Variants in FSTL4 observed in about 807,000 individuals in gnomAD.
FSTL4 encodes follistatin like 4.
In FSTL4, 28 loss-of-function variants were observed where a neutral mutation model predicts 78.2. The ratio of observed to expected loss-of-function variants is 0.36; its 90% CI spans 0.27 to 0.49. FSTL4 has a LOEUF of 0.49. FSTL4 is among the 20% of genes least tolerant of loss of function. The pLI, the probability that FSTL4 is intolerant of heterozygous loss-of-function variation, is 0.98. For missense variants in FSTL4, 922 were observed against 1,084.9 expected (o/e 0.85, Z 2.11); for synonymous variants, 422 against 440.5 (o/e 0.96, Z 0.53).
chr5:133,566,999 C>G (rs901468598), intron 3 of FSTL4, among the ~76,000 whole-genome samples, 187 bp downstream of exon 3: 1 of 152,232 alleles, frequency 6.6e-6, no homozygotes, highest in Non-Finnish European at 1.5e-5. Flanking sequence ...ATAGTTTTCA[C>G]AAGCAAACCT....
chr5:133,446,330 C>T (rs1339537685), intron 3 of FSTL4, among the ~76,000 whole-genome samples: 1 of 152,220 alleles, frequency 6.6e-6, no homozygotes, highest in Non-Finnish European at 1.5e-5. Flanking sequence ...ATCCCAGCTA[C>T]TTGGGAGGCT....
intron 1 of FSTL4, among the ~76,000 whole-genome samples, chr5:133,606,245 C>T (rs570559297): frequency 2.6e-5 from 4 of 152,256 alleles, no homozygotes; most frequent in East Asian, 1.9e-4. Context: ...CTCAGCCTCC[C>T]GAGTAGCTGG....
chr5:133,298,149 A>G (rs1016236619), intron 6 of FSTL4, among the ~76,000 whole-genome samples: 6 of 152,258 alleles, frequency 3.9e-5, no homozygotes, highest in Non-Finnish European at 8.8e-5. Flanking sequence ...GGCCTCATCT[A>G]TAAAAAGGGG....
At chr5:133,406,099 A>G (rs538576318) in intron 3 of FSTL4, among the ~76,000 whole-genome samples, 42 of 152,318 alleles carry the variant, frequency 2.8e-4, no homozygotes, top group African/African-American at 9.9e-4. Context: ...GGAAGGAAAT[A>G]ACCAGGGTGC....
the FSTL4 span, among the ~76,000 whole-genome samples, chr5:133,731,492 GT>G: frequency 6.6e-6 from 1 of 152,132 alleles, no homozygotes; most frequent in African/African-American, 2.4e-5. Context: ...CTAACACATG[GT>G]CCAGTTCTCT....
intron 3 of FSTL4, among the ~76,000 whole-genome samples, chr5:133,537,862 C>CAT (rs751344437): frequency 3.3e-5 from 5 of 151,484 alleles, no homozygotes; most frequent in South Asian, 2.1e-4. Flanking sequence ...TATGTACACA[C>CAT]ATATATATAT....
the FSTL4 span, among the ~76,000 whole-genome samples, chr5:133,625,432 T>A: frequency 6.6e-6 from 1 of 151,590 alleles, no homozygotes; most frequent in African/African-American, 2.4e-5. Context: ...ATTCTTTGTT[T>A]GATGTCTATA....
At chr5:133,643,706 T>C in the FSTL4 span, among the ~76,000 whole-genome samples, 35,993 of 151,910 alleles carry the variant, frequency 0.24, 4,779 homozygotes, top group Admixed American at 0.35. Flanking sequence ...TATTAACAGA[T>C]GGTGCCCCGA....
At chr5:133,281,826 G>A (rs1753016181) in intron 6 of FSTL4, among the ~76,000 whole-genome samples, 1 of 152,130 alleles carries the variant, frequency 6.6e-6, no homozygotes, top group South Asian at 2.1e-4. Context: ...CAAAGGAGCA[G>A]GTCATGGGGT....
At chr5:133,789,172 G>A in the FSTL4 span, among the ~76,000 whole-genome samples, 1 of 152,216 alleles carries the variant, frequency 6.6e-6, no homozygotes. Context: ...GCCAGGAGTG[G>A]GAGGTGGCCA....
In FSTL4 at chr5:133,390,256, A is replaced by C. The variant is rs573356930; in HGVS notation, c.409+10482T>G. Among the ~76,000 whole-genome samples the C allele has an allele frequency of 3.3e-5, 5 of 152,378 alleles. No individual in the cohort carries two copies. In the South Asian group the frequency reaches 1.0e-3, roughly 32 times the overall value. On this transcript the variant is annotated intron_variant, in intron 4 of 15. Coordinates refer to ENST00000265342, the MANE Select transcript of FSTL4 (RefSeq NM_015082.2). ...ATTTTAATTACCTGCAAGCAAAGTG[A>C]TTTTGCTACTTTCCTTTAGAGGAGC...
At chr5:133,229,141 G>C (rs191814927) in intron 8 of FSTL4, among the ~76,000 whole-genome samples, 69 of 152,308 alleles carry the variant, frequency 4.5e-4, no homozygotes, top group Admixed American at 3.1e-3. Flanking sequence ...TAATTGGAGA[G>C]AGATGCTCTT....
At chr5:133,204,953 C>T (rs1337844527) in intron 14 of FSTL4, among the ~76,000 whole-genome samples, 2 of 151,966 alleles carry the variant, frequency 1.3e-5, no homozygotes, top group Non-Finnish European at 2.9e-5. Context: ...TTCTTTAATC[C>T]TAGCCCACAG....
chr5:133,564,768 G>A (rs1262851178), intron 3 of FSTL4, among the ~76,000 whole-genome samples: 2 of 152,204 alleles, frequency 1.3e-5, no homozygotes, highest in African/African-American at 4.8e-5. Context: ...TCTACGGCTG[G>A]AGGGGAAGAG....
At chr5:133,532,481 T>G (rs1437290452) in intron 3 of FSTL4, among the ~76,000 whole-genome samples, 1 of 152,180 alleles carries the variant, frequency 6.6e-6, no homozygotes, top group Non-Finnish European at 1.5e-5. Context: ...AAGCCTCTAT[T>G]GTAGAACAAG....
the FSTL4 span, among the ~76,000 whole-genome samples, chr5:133,744,597 T>C: frequency 3.3e-5 from 5 of 152,218 alleles, no homozygotes; most frequent in Admixed American, 3.3e-4. Context: ...CAAAGCTCTG[T>C]CTGCTCACCC....
At chr5:133,556,554 C>T (rs770367206) in intron 3 of FSTL4, among the ~76,000 whole-genome samples, 3 of 152,020 alleles carry the variant, frequency 2.0e-5, no homozygotes, top group East Asian at 1.9e-4. Flanking sequence ...GGTGAAACCC[C>T]GTCTCTACCA....
the FSTL4 span, among the ~76,000 whole-genome samples, chr5:133,795,052 G>T: frequency 1.3e-5 from 2 of 152,214 alleles, no homozygotes; most frequent in African/African-American, 4.8e-5. Flanking sequence ...ATCATTATAT[G>T]CAAAACAAGG....
At chr5:133,823,252 C>T in the FSTL4 span, among the ~76,000 whole-genome samples, 3 of 152,288 alleles carry the variant, frequency 2.0e-5, no homozygotes, top group South Asian at 6.2e-4. Flanking sequence ...CTTCAGCACC[C>T]CAGGAAATAA....
Sources: allele counts gnomAD v4.1 joint callset (sites outside exome capture counted in the v4.1 genomes callset), GRCh38; gene constraint gnomAD v4.1.1; transcripts MANE v1.5; gene names NCBI Gene and HGNC (gene_info 2026-07-23, HGNC 2026-07-21).